SIRT5: variants seen among roughly 807,000 people sequenced by gnomAD.
SIRT5 encodes the protein NAD-dependent protein deacylase sirtuin-5, mitochondrial.
Under a neutral mutation model 40.0 loss-of-function variants are expected in SIRT5, and 26 were observed. The observed-to-expected ratio is 0.65, with a 90% CI of 0.48 to 0.90. The LOEUF (loss-of-function observed/expected upper bound fraction) is 0.90, where lower values mean the gene tolerates loss of function less well. SIRT5 is among the 40% of genes least tolerant of loss of function. The pLI is 0.00. For synonymous variants in SIRT5, 146 were observed against 149.1 expected, an observed-to-expected ratio of 0.98 and a Z score of 0.15; for missense variants, 401 against 402.4, an observed-to-expected ratio of 1.00 and a Z score of 0.03.
chr6:13,591,500 A>C (rs555100340), intron 4 of SIRT5, among the ~76,000 whole-genome samples, 169 bp from the exon 5 acceptor site: 1 of 152,356 alleles, frequency 6.6e-6, no homozygotes, highest in East Asian at 1.9e-4. Flanking sequence ...GCTGGTACCC[A>C]GACCCTGCCT....
chr6:13,584,106 C>A lies in SIRT5; in HGVS notation c.-5C>A, dbSNP rs1331800498. On this transcript the variant is annotated 5_prime_UTR_variant, in exon 3 of 10. Transcript: ENST00000606117. ...CTCAAGCATTAGAACTACAGACAAACCCTGATGCGACCTCTCCAGATTGTC... is the reference window on the plus strand; with the variant it reads ...CTCAAGCATTAGAACTACAGACAAAACCTGATGCGACCTCTCCAGATTGTC... The A allele has an allele frequency of 3.7e-6, 6 of 1,612,138 alleles. No homozygotes were observed. The highest frequency in any genetic ancestry group is 5.1e-6 in the Non-Finnish European group (6 of 1,178,252).
chr6:13,581,720 C>A (rs114898823), intron 2 of SIRT5, among the ~76,000 whole-genome samples: 1,739 of 152,220 alleles, frequency 0.011, 31 homozygotes, highest in African/African-American at 0.039. Context: ...ATCTGATAGG[C>A]CTTGGTGTTC....
chr6:13,604,707 G>GATTTTTTTTTTTTTTTTTTTT, intron 9 of SIRT5: 1 of 1,371,162 alleles, frequency 7.3e-7, no homozygotes, highest in Non-Finnish European at 9.4e-7. Context: ...GAACTTGGTG[G>GATTTTTTTTTTTTTTTTTTTT]TTTTTCCTGC....
At chr6:13,611,232 T>C (rs113410073) in intron 9 of SIRT5, among the ~76,000 whole-genome samples, 7 of 132,072 alleles carry the variant, frequency 5.3e-5, no homozygotes, top group Non-Finnish European at 9.4e-5. Context: ...TATATATATA[T>C]ATATACACAC....
intron 9 of SIRT5, among the ~76,000 whole-genome samples, chr6:13,609,509 A>T (rs1293400333): frequency 6.6e-6 from 1 of 152,194 alleles, no homozygotes; most frequent in African/African-American, 2.4e-5. Flanking sequence ...ACTTCCCCAG[A>T]AACTATAATA....
chr6:13,600,069 CAAT>C (rs1342687723), intron 8 of SIRT5, among the ~76,000 whole-genome samples: 2 of 152,178 alleles, frequency 1.3e-5, no homozygotes, highest in Non-Finnish European at 1.5e-5. Flanking sequence ...ATAGTTTAAT[CAAT>C]GATATCGTGA....
At chr6:13,593,466 G>A (rs1425938745) in intron 5 of SIRT5, among the ~76,000 whole-genome samples, 1 of 152,184 alleles carries the variant, frequency 6.6e-6, no homozygotes, top group Admixed American at 6.5e-5. Flanking sequence ...TTTCCCTGCA[G>A]TGTCAGAATG....
chr6:13,591,998 C>T lies in SIRT5; in HGVS notation c.475+104C>T, dbSNP rs1584789835. On this transcript the variant is annotated intron_variant, in intron 5 of 9. Transcript: ENST00000606117. ...CTTCCCTCCCTCCCTGCTGGACATC[C>T]GTCCTGTCCTATAGGATGCTGTGGC... is the stretch of plus-strand genomic sequence containing the variant. 14 of 1,067,206 alleles carry T rather than the reference C, an allele frequency of 1.3e-5. No homozygotes were observed. The East Asian group carries it at 1.8e-4, about 14-fold the overall frequency. The allele number at this position is 1,067,206 out of a possible 1,614,324, so 66.1% of individuals were successfully genotyped here.
chr6:13,606,863 G>A (rs767942323), intron 9 of SIRT5, among the ~76,000 whole-genome samples: 365 of 151,638 alleles, frequency 2.4e-3, no homozygotes, highest in Non-Finnish European at 3.8e-3. Context: ...TGTATTTTTA[G>A]TAGAGACGGG....
intron 9 of SIRT5, chr6:13,604,611 G>A (rs2127719443): frequency 6.0e-6 from 9 of 1,502,646 alleles, no homozygotes; most frequent in Non-Finnish European, 7.9e-6. Flanking sequence ...GTTTAGAGTT[G>A]GCCCCCACCT....
Position 13,611,855 on chromosome 6 carries a change from CTG to C in SIRT5, c.925_926del (p.Val309PhefsTer29), listed in dbSNP as rs1374143377. On this transcript the variant is annotated frameshift_variant, in exon 10 of 10. Coordinates refer to ENST00000606117, the MANE Select transcript of SIRT5 (RefSeq NM_012241.5). LOFTEE classifies it high-confidence loss of function. ...GCCCTTGCCTGTCATGAAAATGAAA[CTG>C]TTTCTTAAGTGTCCTGGGGAAGAAA... 2 of 1,613,874 alleles carry C rather than the reference CTG, an allele frequency of 1.2e-6. No individual in the cohort carries two copies.
At chr6:13,603,968 C>T (rs1762761275) in intron 9 of SIRT5, among the ~76,000 whole-genome samples, 1 of 152,120 alleles carries the variant, frequency 6.6e-6, no homozygotes, top group East Asian at 1.9e-4. Context: ...GGTATGACTT[C>T]ATTTATACGA....
In SIRT5 at chr6:13,596,994, A is replaced by G; in HGVS notation, c.595A>G (p.Ile199Val). 1 of 1,612,562 alleles carries G rather than the reference A, an allele frequency of 6.2e-7. No homozygotes were observed. Among genetic ancestry groups the G allele is most frequent in the Non-Finnish European group, 8.5e-7 (1 of 1,179,726 alleles). Residue 199 changes from isoleucine to valine, a missense_variant, in exon 7 of 10, where the codon ATC becomes GTC. Coordinates refer to ENST00000606117, the MANE Select transcript of SIRT5 (RefSeq NM_012241.5). ...AGAACCTGGAACTCAAGATGCCAGC[A>G]TCCCAGTTGAGAAACTTCCCCGGTA... The part of the protein sequence containing the change: ...APEPGTQDAS[I>V]PVEKLPRCEE...
chr6:13,576,287 C>T (rs191830298), intron 1 of SIRT5, among the ~76,000 whole-genome samples: 1 of 152,268 alleles, frequency 6.6e-6, no homozygotes, highest in East Asian at 1.9e-4. Flanking sequence ...ACCAGGGTTC[C>T]CTTTTCTCCA....
At chr6:13,574,945 G>T (rs996938390) in intron 1 of SIRT5, among the ~76,000 whole-genome samples, 3 of 152,182 alleles carry the variant, frequency 2.0e-5, no homozygotes, top group Admixed American at 1.3e-4. Context: ...CGAGGAAGGT[G>T]GCCGGGGTGG....
chr6:13,576,722 A>G (rs1309476014), intron 1 of SIRT5, among the ~76,000 whole-genome samples: 2 of 152,156 alleles, frequency 1.3e-5, no homozygotes, highest in African/African-American at 4.8e-5. Flanking sequence ...CCAAGAAATC[A>G]TTGCCCAGAC....
At chr6:13,600,686 C>A in intron 8 of SIRT5, 148 bp from the exon 9 acceptor site, 1 of 577,002 alleles carries the variant, frequency 1.7e-6, no homozygotes. Context: ...TCCCTTGTCC[C>A]TTGGACACCC....
At chr6:13,601,182 T>G (rs1762335156) in intron 9 of SIRT5, among the ~76,000 whole-genome samples, 2 of 152,200 alleles carry the variant, frequency 1.3e-5, no homozygotes, top group South Asian at 4.1e-4. Flanking sequence ...GTTCACATTT[T>G]GAACGCTCTT....
rs145299575 is a variant in SIRT5 at position 13,591,758 on chromosome 6, G to T, written c.339G>T (p.Glu113Asp). The T allele has an allele frequency of 1.9e-6, 3 of 1,613,544 alleles. No individual in the cohort carries two copies. In the African/African-American group the frequency reaches 4.0e-5, roughly 22 times the overall value. Residue 113 changes from glutamate to aspartate, a missense_variant, in exon 5 of 10, where the codon GAG (glutamate) becomes GAT (aspartate). By Grantham distance (45) the Glu-to-Asp change is conservative (BLOSUM62 2). Coordinates refer to ENST00000606117, the MANE Select transcript of SIRT5 (RefSeq NM_012241.5). ...GGCGGGAGGTCATGGGGAGCAAGGA[G>T]CCCAACGCCGGGCACCGCGCCATAG... is the stretch of plus-strand genomic sequence containing the variant. ...HYRREVMGSK[E>D]PNAGHRAIAE...
Sources: gnomAD v4.1 joint callset for allele counts (sites outside exome capture counted in the v4.1 genomes callset) on GRCh38, gnomAD v4.1.1 for gene constraint, MANE v1.5 for transcripts, NCBI Gene and HGNC (gene_info 2026-07-23, HGNC 2026-07-21) for gene names.